The following SEMA3E variants were observed in gnomAD, a reference collection of about 807,000 sequenced individuals.
SEMA3E encodes semaphorin-3E.
Under a neutral mutation model 93.6 loss-of-function variants are expected in SEMA3E, and 49 were observed. The observed-to-expected ratio is 0.52, with a 90% CI of 0.42 to 0.66. SEMA3E has a LOEUF of 0.66. Among genes scored for constraint, SEMA3E ranks in the 30% least tolerant of loss-of-function variants. SEMA3E has a pLI of 0.00. For synonymous variants in SEMA3E, 363 were observed against 330.7 expected (o/e 1.10, Z -1.06); for missense variants, 906 against 964.8 (o/e 0.94, Z 0.81).
chr7:83,472,103 G>A (rs779765424), intron 2 of SEMA3E, among the ~76,000 whole-genome samples: 30 of 152,072 alleles, frequency 2.0e-4, no homozygotes, highest in Non-Finnish European at 4.1e-4. Flanking sequence ...CAAACAAATT[G>A]TTACCTTTTT....
At chr7:83,567,749 A>T (rs1362443958) in intron 1 of SEMA3E, among the ~76,000 whole-genome samples, 5 of 152,084 alleles carry the variant, frequency 3.3e-5, no homozygotes, top group Non-Finnish European at 7.4e-5. Context: ...TGTGGGATAA[A>T]GCAAAACCAG....
chr7:83,581,666 A>G (rs1219026071), intron 1 of SEMA3E, among the ~76,000 whole-genome samples: 1 of 152,070 alleles, frequency 6.6e-6, no homozygotes, highest in Non-Finnish European at 1.5e-5. Flanking sequence ...ACGACATCAC[A>G]TAACTTCAAA....
intron 9 of SEMA3E, 73 bp from the exon 10 acceptor site, chr7:83,402,849 CA>C: frequency 2.8e-6 from 4 of 1,432,120 alleles, no homozygotes; most frequent in Non-Finnish European, 3.9e-6. Context: ...CCCCAGCCTA[CA>C]AAGATAAGAG....
intron 1 of SEMA3E, among the ~76,000 whole-genome samples, chr7:83,623,356 G>C (rs1325125937): frequency 6.6e-6 from 1 of 151,962 alleles, no homozygotes; most frequent in Non-Finnish European, 1.5e-5. Flanking sequence ...TCTAATCCGA[G>C]GCATAAAAAG....
chr7:83,419,085 T>G (rs1788620849), intron 4 of SEMA3E, among the ~76,000 whole-genome samples: 1 of 148,902 alleles, frequency 6.7e-6, no homozygotes, highest in Non-Finnish European at 1.5e-5. Context: ...TCTCTATTAT[T>G]GCCATCTTTA....
chr7:83,602,761 C>A (rs1793024775), intron 1 of SEMA3E, among the ~76,000 whole-genome samples: 2 of 152,234 alleles, frequency 1.3e-5, no homozygotes, highest in Admixed American at 6.5e-5. Flanking sequence ...CAGGTGTGAG[C>A]CCCCGCGCCC....
At chr7:83,466,384 CTTTT>C in intron 4 of SEMA3E, 94 bp downstream of exon 4, 1 of 1,435,180 alleles carries the variant, frequency 7.0e-7, no homozygotes, top group Non-Finnish European at 9.7e-7. Flanking sequence ...ATCGCAAATG[CTTTT>C]ATCTTTCTTG....
At chr7:83,493,884 A>G (rs1790435113) in intron 1 of SEMA3E, among the ~76,000 whole-genome samples, 1 of 151,922 alleles carries the variant, frequency 6.6e-6, no homozygotes, top group Non-Finnish European at 1.5e-5. Context: ...ACTTTATTCA[A>G]GAAAGGTTAG....
intron 1 of SEMA3E, among the ~76,000 whole-genome samples, chr7:83,548,955 G>A (rs1043215199): frequency 5.3e-5 from 8 of 151,974 alleles, no homozygotes; most frequent in African/African-American, 1.9e-4. Context: ...GGAAGAAGTC[G>A]AGCAACTTTC....
intron 5 of SEMA3E, among the ~76,000 whole-genome samples, chr7:83,412,195 C>A (rs1276621040): frequency 6.6e-6 from 1 of 152,124 alleles, no homozygotes; most frequent in Non-Finnish European, 1.5e-5. Context: ...TTCCATGACA[C>A]CTTGTCTGGC....
chr7:83,425,086 G>A (rs1249019110), intron 4 of SEMA3E: 1 of 155,078 alleles, frequency 6.4e-6, no homozygotes, highest in Non-Finnish European at 1.4e-5. Flanking sequence ...AGGTATAGTG[G>A]AGGGGTCTTC....
chr7:83,434,227 C>G (rs937095176), intron 4 of SEMA3E, among the ~76,000 whole-genome samples: 2 of 151,980 alleles, frequency 1.3e-5, no homozygotes, highest in Admixed American at 1.3e-4. Context: ...ATATATTGCT[C>G]TTACTTAATA....
chr7:83,592,915 AG>A (rs1257927877), intron 1 of SEMA3E, among the ~76,000 whole-genome samples: 2 of 152,092 alleles, frequency 1.3e-5, no homozygotes, highest in Non-Finnish European at 2.9e-5. Context: ...CAGGCTGCTA[AG>A]GTAGTTTGTG....
At position 83,392,687 on chromosome 7, in the gene SEMA3E, G is replaced by A; in HGVS notation, c.1535C>T (p.Ala512Val). 1 of 1,613,826 alleles carries A rather than the reference G, an allele frequency of 6.2e-7. No individual in the cohort carries two copies. Among genetic ancestry groups the A allele is most frequent in the Non-Finnish European group, 8.5e-7 (1 of 1,179,872 alleles). The change falls in exon 14 of 17, where the codon GCT (alanine) becomes GTT (valine). Residue 512 changes from alanine to valine, a missense_variant. By Grantham distance (64) the Ala-to-Val change is moderately conservative. Transcript: ENST00000643230. ...QLYIGSASAV[A>V]QVRFHHCDMY... The stretch of plus-strand genomic sequence containing the variant: ...GTCACAGTGATGGAATCTGACTTGA[G>A]CCACAGCAGAAGCAGATCCAATATA...
At chr7:83,570,821 AAAG>A (rs1386355759) in intron 1 of SEMA3E, among the ~76,000 whole-genome samples, 1 of 151,510 alleles carries the variant, frequency 6.6e-6, no homozygotes, top group Admixed American at 6.6e-5. Flanking sequence ...GACAAAAAAA[AAAG>A]AAGATCCAAA....
intron 1 of SEMA3E, among the ~76,000 whole-genome samples, chr7:83,601,794 T>C (rs1793004382): frequency 6.6e-6 from 1 of 152,220 alleles, no homozygotes; most frequent in Non-Finnish European, 1.5e-5. Flanking sequence ...CTGATGCTTC[T>C]GCCTTCTTGA....
chr7:83,372,303 C>T (rs1794760155), intron 16 of SEMA3E: 1 of 397,606 alleles, frequency 2.5e-6, no homozygotes, highest in Non-Finnish European at 4.4e-6. Flanking sequence ...AAAAAAAATG[C>T]ATACAAACAT....
intron 2 of SEMA3E, among the ~76,000 whole-genome samples, chr7:83,480,650 C>A (rs973177432): frequency 1.3e-5 from 2 of 151,974 alleles, no homozygotes; most frequent in Admixed American, 1.3e-4. Flanking sequence ...CTAAAATATT[C>A]AATTTTCTAT....
At chr7:83,437,737 G>T (rs1310349523) in intron 4 of SEMA3E, among the ~76,000 whole-genome samples, 2 of 152,142 alleles carry the variant, frequency 1.3e-5, no homozygotes, top group African/African-American at 4.8e-5. Context: ...CCATTAAAAG[G>T]AACAAGTGCT....
Sources: allele counts gnomAD v4.1 joint callset (sites outside exome capture counted in the v4.1 genomes callset), GRCh38; gene constraint gnomAD v4.1.1; transcripts MANE v1.5; gene names NCBI Gene and HGNC (gene_info 2026-07-23, HGNC 2026-07-21).